The following ZNF184 variants were observed in gnomAD, a reference collection of about 807,000 sequenced individuals.
ZNF184 encodes zinc finger protein 184 (Kruppel-like).
A neutral mutation model predicts 54.4 loss-of-function variants in ZNF184; 16 were observed. The ratio of observed to expected loss-of-function variants is 0.29; its 90% CI spans 0.20 to 0.45. The LOEUF is 0.45. Among genes scored for constraint, ZNF184 ranks in the 20% least tolerant of loss-of-function variants. The pLI is 1.00. For synonymous variants in ZNF184, 254 were observed against 295.3 expected (o/e 0.86, Z 1.43); for missense variants, 681 against 888.2 (o/e 0.77, Z 2.97).
At chr6:27,418,824 A>AT in the ZNF184 span, among the ~76,000 whole-genome samples, 1 of 152,092 alleles carries the variant, frequency 6.6e-6, no homozygotes, top group Non-Finnish European at 1.5e-5. Context: ...GGCTTCTGTC[A>AT]TTTTGTATAC....
chr6:27,412,041 CATG>C, the ZNF184 span, among the ~76,000 whole-genome samples: 1,153 of 152,336 alleles, frequency 7.6e-3, 13 homozygotes, highest in East Asian at 0.062. Context: ...ACCACCGCAA[CATG>C]GTGGCTGTGG....
At chr6:27,426,371 T>A in the ZNF184 span, among the ~76,000 whole-genome samples, 1 of 152,160 alleles carries the variant, frequency 6.6e-6, no homozygotes, top group African/African-American at 2.4e-5. This position sits in a 1 kb window ranked among gnomAD's most constrained non-coding sequence, Gnocchi z 4.2. Context: ...GCTTTTCTCC[T>A]CCCACTGGTG....
chr6:27,457,374 A>G lies in ZNF184; in HGVS notation c.111T>C (p.Phe37=), dbSNP rs1488264630. The change falls in exon 4 of 6, where the codon TTT becomes TTC. Residue 37 remains phenylalanine, a synonymous_variant. Coordinates refer to ENST00000683788, the MANE Select transcript of ZNF184 (RefSeq NM_001318891.2). ...CCAGCTGTTTCCATTCTTCCTGGGT[A>G]AAGTCCACTATCACATCCTTGAAAG... The part of the protein sequence containing the change: ...AVTFKDVIVD[F]TQEEWKQLDP... 3 of 1,613,902 alleles carry G rather than the reference A, an allele frequency of 1.9e-6. No homozygotes were observed. The highest frequency in any genetic ancestry group is 1.3e-5 in the African/African-American group (1 of 74,900).
chr6:27,442,741 G>GGAAGGAA, the ZNF184 span, among the ~76,000 whole-genome samples: 5 of 24,862 alleles, frequency 2.0e-4, no homozygotes, highest in African/African-American at 4.8e-4. Flanking sequence ...GAAGGAAGGA[G>GGAAGGAA]GGAGGGAGGG....
At chr6:27,404,908 T>C in the ZNF184 span, 1 of 152,002 alleles carries the variant, frequency 6.6e-6, no homozygotes, top group Non-Finnish European at 1.5e-5. Context: ...TCCCAGCTAC[T>C]TGGGAGGCTG....
At chr6:27,410,639 C>G in the ZNF184 span, among the ~76,000 whole-genome samples, 1 of 152,140 alleles carries the variant, frequency 6.6e-6, no homozygotes, top group Non-Finnish European at 1.5e-5. Flanking sequence ...TCAAGTGATT[C>G]TCCCTCCTCA....
intron 3 of ZNF184, among the ~76,000 whole-genome samples, chr6:27,462,203 AT>A (rs916301155): frequency 1.6e-3 from 234 of 146,950 alleles, no homozygotes; most frequent in African/African-American, 5.0e-3. Context: ...AGGTTCAAGA[AT>A]TTTTTTTTTT....
At chr6:27,440,789 G>A in the ZNF184 span, among the ~76,000 whole-genome samples, 1 of 152,024 alleles carries the variant, frequency 6.6e-6, no homozygotes, top group Non-Finnish European at 1.5e-5. Flanking sequence ...GGATCACGAG[G>A]TCAGGAGATC....
At chr6:27,446,828 A>C (rs533226401), downstream of ZNF184, among the ~76,000 whole-genome samples, 7 of 152,180 alleles carry the variant, frequency 4.6e-5, no homozygotes, top group African/African-American at 9.7e-5. Context: ...CAAAGAGTCA[A>C]AGGAGATTAT....
the ZNF184 span, among the ~76,000 whole-genome samples, chr6:27,425,604 G>A: frequency 1.3e-5 from 2 of 152,134 alleles, no homozygotes; most frequent in Non-Finnish European, 2.9e-5. Flanking sequence ...GTTCTATTTT[G>A]TGTCTATTTG....
At chr6:27,457,989 G>A (rs1762902992) in intron 3 of ZNF184, among the ~76,000 whole-genome samples, 1 of 151,510 alleles carries the variant, frequency 6.6e-6, no homozygotes. Context: ...AGTTAAAAGT[G>A]AAATTAGTTA....
the ZNF184 span, among the ~76,000 whole-genome samples, chr6:27,444,464 C>T: frequency 2.0e-5 from 3 of 152,168 alleles, no homozygotes; most frequent in Non-Finnish European, 4.4e-5. Flanking sequence ...TTCAAACATA[C>T]TATAACATTG....
intron 3 of ZNF184, among the ~76,000 whole-genome samples, chr6:27,465,378 G>C (rs1390774510): frequency 2.0e-5 from 3 of 149,410 alleles, no homozygotes; most frequent in Admixed American, 1.3e-4. Context: ...CTAGCTACTC[G>C]GGAGGCTGAG....
rs1763296660 is a variant in ZNF184, at chr6:27,472,288, C to T, written c.7G>A (p.Asp3Asn). 1 of 1,614,140 alleles carries T rather than the reference C, an allele frequency of 6.2e-7. No homozygotes were observed. Among genetic ancestry groups the T allele is most frequent in the Non-Finnish European group, 8.5e-7 (1 of 1,180,016 alleles). The change falls in exon 2 of 6, where the codon GAT becomes AAT. Residue 3 changes from aspartate to asparagine, a missense_variant and splice_region_variant. Transcript: ENST00000683788. The surrounding 1 kb of genome is among the most constrained non-coding windows in gnomAD (Gnocchi z 4.8). ...CTCTCCCCCAAGTCGACCCCACTAC[C>T]TTCCATCTCAGGAGCTCATCCCGTT... ME[D>N]LSSPDSTLLQ... is the part of the protein sequence containing the mutation.
the ZNF184 span, among the ~76,000 whole-genome samples, chr6:27,429,812 G>C: frequency 1.3e-5 from 2 of 152,200 alleles, no homozygotes; most frequent in African/African-American, 4.8e-5. Context: ...TTGTTTGTTT[G>C]TTTGGCTCGG....
chr6:27,450,215 C>G (rs1261366258), downstream of ZNF184, among the ~76,000 whole-genome samples: 1 of 152,176 alleles, frequency 6.6e-6, no homozygotes, highest in Non-Finnish European at 1.5e-5. Flanking sequence ...ATGCCTGGGT[C>G]CTATCTCCTA....
chr6:27,423,848 A>G, the ZNF184 span, among the ~76,000 whole-genome samples: 1 of 152,214 alleles, frequency 6.6e-6, no homozygotes, highest in Admixed American at 6.5e-5. Context: ...TTCTTTTACA[A>G]TGTAATTTTG....
rs1351812617 is a variant in ZNF184, at chr6:27,451,303, T to G, written c.2256A>C (p.Ter752CysextTer3). Residue 752 changes from the stop codon to cysteine, a stop_lost, in exon 6 of 6, where the codon TGA becomes TGC. Coordinates refer to ENST00000683788, the MANE Select transcript of ZNF184 (RefSeq NM_001318891.2). Reference protein sequence around the residue: ...NKHQRLHPGI* With the variant: ...NKHQRLHPGIC ...TAAATTTATGATGTTCCTAGAATTG[T>G]CATATGCCAGGATGCAGTCTCTGAT... 10 of 1,582,364 alleles carry G rather than the reference T, an allele frequency of 6.3e-6. No homozygotes were observed. The highest frequency in any genetic ancestry group is 8.6e-6 in the Non-Finnish European group (10 of 1,165,070).
At chr6:27,412,247 T>C in the ZNF184 span, among the ~76,000 whole-genome samples, 2 of 152,166 alleles carry the variant, frequency 1.3e-5, no homozygotes, top group African/African-American at 4.8e-5. Context: ...GGCCACACGG[T>C]TCCACAGTTG....
Sources: allele counts gnomAD v4.1 joint callset (sites outside exome capture counted in the v4.1 genomes callset), GRCh38; gene constraint gnomAD v4.1.1; non-coding constraint Gnocchi (gnomAD v3.1); transcripts MANE v1.5; gene names NCBI Gene and HGNC (gene_info 2026-07-23, HGNC 2026-07-21).